Variants in SKAP2 observed in about 807,000 individuals in gnomAD.
The protein encoded by SKAP2 is src kinase-associated phosphoprotein 2.
Under a neutral mutation model 54.9 loss-of-function variants are expected in SKAP2, and 28 were observed. The ratio of observed to expected loss-of-function variants is 0.51; its 90% CI spans 0.38 to 0.70. The LOEUF (loss-of-function observed/expected upper bound fraction) is 0.70. Among genes scored for constraint, SKAP2 ranks in the 30% least tolerant of loss-of-function variants. The pLI, the probability that SKAP2 is intolerant of heterozygous loss-of-function variation, is 0.00. For missense variants in SKAP2, 356 were observed against 424.1 expected, an observed-to-expected ratio of 0.84 and a Z score of 1.41; for synonymous variants, 137 against 134.3, an observed-to-expected ratio of 1.02 and a Z score of -0.14.
chr7:26,676,884 T>C (rs1473661194), intron 11 of SKAP2, among the ~76,000 whole-genome samples: 1 of 152,170 alleles, frequency 6.6e-6, no homozygotes, highest in African/African-American at 2.4e-5. Flanking sequence ...CCAGAAGGAA[T>C]AATGAAAGGA....
intron 4 of SKAP2, among the ~76,000 whole-genome samples, chr7:26,776,445 T>C (rs769973465): frequency 6.6e-6 from 1 of 152,170 alleles, no homozygotes; most frequent in Non-Finnish European, 1.5e-5. Context: ...TTCCTCTGTA[T>C]GACTGACCTA....
At chr7:26,831,239 C>A (rs1456468593) in intron 4 of SKAP2, among the ~76,000 whole-genome samples, 1 of 152,098 alleles carries the variant, frequency 6.6e-6, no homozygotes, top group African/African-American at 2.4e-5. Context: ...TATAAAATTT[C>A]TTTATTCTTA....
At chr7:26,693,915 G>T (rs1281030548) in intron 9 of SKAP2, among the ~76,000 whole-genome samples, 1 of 151,860 alleles carries the variant, frequency 6.6e-6, no homozygotes, top group African/African-American at 2.4e-5. Context: ...ACTGAACCTT[G>T]AATAGAACTT....
chr7:26,696,767 T>G (rs1786903551), intron 9 of SKAP2, among the ~76,000 whole-genome samples: 1 of 152,148 alleles, frequency 6.6e-6, no homozygotes, highest in Admixed American at 6.6e-5. Context: ...ATTTCTGTAC[T>G]ATGACATTAA....
intron 10 of SKAP2, among the ~76,000 whole-genome samples, chr7:26,687,830 C>T (rs75731921): frequency 6.6e-6 from 1 of 152,214 alleles, no homozygotes; most frequent in African/African-American, 2.4e-5. Flanking sequence ...AGGCAAATAT[C>T]ATAAACATAC....
intron 4 of SKAP2, among the ~76,000 whole-genome samples, chr7:26,753,250 T>G (rs1782723205): frequency 6.6e-6 from 1 of 152,000 alleles, no homozygotes; most frequent in South Asian, 2.1e-4. Context: ...GTCACAAGAG[T>G]GTCTTTTTCA....
At chr7:26,711,304 T>C (rs2127950098) in intron 9 of SKAP2, among the ~76,000 whole-genome samples, 1 of 152,308 alleles carries the variant, frequency 6.6e-6, no homozygotes, top group Admixed American at 6.5e-5. Flanking sequence ...TAGTTAGATT[T>C]CATATATCTG....
chr7:26,685,344 A>AT (rs921840675), intron 10 of SKAP2, among the ~76,000 whole-genome samples: 10 of 152,124 alleles, frequency 6.6e-5, no homozygotes, highest in African/African-American at 2.2e-4. Flanking sequence ...AGGAACCAAA[A>AT]TTAAAAAAAA....
intron 4 of SKAP2, among the ~76,000 whole-genome samples, chr7:26,811,914 A>G (rs747809509): frequency 6.6e-6 from 1 of 152,250 alleles, no homozygotes; most frequent in African/African-American, 2.4e-5. Context: ...AATTTACCTT[A>G]TAAGTAAAAT....
chr7:26,784,770 T>TTAAGCATC (rs1467926902), intron 4 of SKAP2, among the ~76,000 whole-genome samples: 1 of 152,200 alleles, frequency 6.6e-6, no homozygotes, highest in African/African-American at 2.4e-5. Context: ...TTTTAAAACA[T>TTAAGCATC]TAAGCATCTA....
chr7:26,660,918 A>G, the SKAP2 span, among the ~76,000 whole-genome samples: 3 of 152,084 alleles, frequency 2.0e-5, no homozygotes, highest in Non-Finnish European at 4.4e-5. Flanking sequence ...ATGTTACCAG[A>G]ATTATGTACT....
intron 8 of SKAP2, 93 bp downstream of exon 8, chr7:26,725,830 A>G: frequency 9.6e-7 from 1 of 1,043,078 alleles, no homozygotes; most frequent in Non-Finnish European, 1.4e-6. Flanking sequence ...TCATTCTCAC[A>G]GAAGTCAATA....
intron 11 of SKAP2, among the ~76,000 whole-genome samples, chr7:26,680,542 A>C (rs1304102786): frequency 6.6e-6 from 1 of 152,240 alleles, no homozygotes; most frequent in Non-Finnish European, 1.5e-5. Context: ...TAACAATACA[A>C]CTGTCATTAA....
chr7:26,857,679 G>A (rs893889527), intron 1 of SKAP2: 3 of 985,326 alleles, frequency 3.0e-6, no homozygotes, highest in Admixed American at 6.1e-5. Context: ...GCGGAGCAGT[G>A]AGCATGGAGA....
At position 26,738,777 on chromosome 7, in the gene SKAP2, A is replaced by C; in HGVS notation, c.469+18T>G. 1 of 1,466,584 alleles carries C rather than the reference A, an allele frequency of 6.8e-7. No homozygotes were observed. Among genetic ancestry groups the C allele is most frequent in the East Asian group, 2.3e-5 (1 of 44,036 alleles). 90.8% of individuals were successfully genotyped at this position (1,466,584 alleles called of 1,614,324 possible). ...TTCTTTTGCAATAGTAGTTGATATA[A>C]TTGAACACCAACATTACCTTTATCA... On this transcript the variant is annotated intron_variant, in intron 6 of 12. Transcript: ENST00000345317.
At chr7:26,777,389 G>T (rs1783333945) in intron 4 of SKAP2, among the ~76,000 whole-genome samples, 1 of 151,982 alleles carries the variant, frequency 6.6e-6, no homozygotes, top group Non-Finnish European at 1.5e-5. Context: ...GAGGAAATAA[G>T]ATTTGCTTTT....
intron 1 of SKAP2, chr7:26,857,861 C>T (rs1385754840): frequency 3.9e-5 from 14 of 357,050 alleles, no homozygotes; most frequent in Non-Finnish European, 5.1e-5. Context: ...TCTAAATAGC[C>T]CTGCAAACGG....
At chr7:26,698,310 C>T (rs1345069095) in intron 9 of SKAP2, among the ~76,000 whole-genome samples, 1 of 152,204 alleles carries the variant, frequency 6.6e-6, no homozygotes, top group Non-Finnish European at 1.5e-5. Context: ...ACCAGCAGTG[C>T]TTTCCAAGAT....
chr7:26,725,312 G>C, intron 9 of SKAP2, 116 bp downstream of exon 9: 2 of 643,736 alleles, frequency 3.1e-6, no homozygotes, highest in Non-Finnish European at 5.1e-6. Flanking sequence ...TTCTCAATAG[G>C]TCACCATTTT....
Sources: gnomAD v4.1 joint callset for allele counts (sites outside exome capture counted in the v4.1 genomes callset) on GRCh38, gnomAD v4.1.1 for gene constraint, MANE v1.5 for transcripts, NCBI Gene and HGNC (gene_info 2026-07-23, HGNC 2026-07-21) for gene names.